CEP57: variants seen among roughly 807,000 people sequenced by gnomAD.
CEP57 encodes centrosomal protein of 57 kDa.
CEP57 carries 40 observed loss-of-function variants against 68.0 expected under a neutral mutation model. The ratio of observed to expected loss-of-function variants is 0.59; its 90% confidence interval spans 0.46 to 0.77. CEP57 has a LOEUF of 0.77. Ranked by LOEUF, CEP57 falls within the 30% of genes least tolerant of loss-of-function variation. The pLI, the probability that CEP57 is intolerant of heterozygous loss-of-function variation, is 0.00. For missense variants in CEP57, 606 were observed against 580.7 expected (o/e 1.04, Z -0.45); for synonymous variants, 219 against 198.7 (o/e 1.10, Z -0.86).
rs1336581104 is a variant in CEP57, at chr11:95,817,832, A to G, written c.550A>G (p.Ser184Gly). The change falls in exon 5 of 11, where the codon AGC (serine) becomes GGC (glycine). Residue 184 changes from serine to glycine, a missense_variant. By Grantham distance (56) the Ser-to-Gly change is moderately conservative (BLOSUM62 0). Coordinates refer to ENST00000325542, the MANE Select transcript of CEP57 (RefSeq NM_014679.5). Reference protein sequence around the residue: ...ERQHDQTHVQSQLEKLDLLEQ... With the variant: ...ERQHDQTHVQGQLEKLDLLEQ... ...ACAACATGATCAAACACATGTTCAG[A>G]GCCAACTTGAAAAATTGGATCTTCT... 6 of 1,613,886 alleles carry G rather than the reference A, an allele frequency of 3.7e-6. No homozygotes were observed. Among genetic ancestry groups the G allele is most frequent in the Middle Eastern group, 1.6e-4 (1 of 6,080 alleles).
chr11:95,803,480 T>A (rs549669157), intron 2 of CEP57, among the ~76,000 whole-genome samples: 5 of 151,762 alleles, frequency 3.3e-5, no homozygotes, highest in Admixed American at 2.6e-4. Flanking sequence ...AACTAAAAAG[T>A]AGGAAAAGTC....
At chr11:95,810,125 A>AC (rs1172032869) in intron 2 of CEP57, among the ~76,000 whole-genome samples, 2 of 152,232 alleles carry the variant, frequency 1.3e-5, no homozygotes, top group Admixed American at 1.3e-4. Flanking sequence ...GTAGATGCAG[A>AC]AAAGGCCTTC....
chr11:95,800,214 A>T (rs1409213383), intron 2 of CEP57, among the ~76,000 whole-genome samples: 2 of 152,124 alleles, frequency 1.3e-5, no homozygotes, highest in African/African-American at 4.8e-5. Context: ...TCTGCTTCCA[A>T]GCTCATTAAG....
At chr11:95,811,915 A>G (rs542099728) in intron 2 of CEP57, among the ~76,000 whole-genome samples, 2 of 150,390 alleles carry the variant, frequency 1.3e-5, no homozygotes, top group Non-Finnish European at 2.9e-5. Context: ...AATTCTCACT[A>G]TTTAATAATG....
chr11:95,809,716 C>T (rs1444060864), intron 2 of CEP57, among the ~76,000 whole-genome samples: 2 of 152,062 alleles, frequency 1.3e-5, no homozygotes. Flanking sequence ...TAATAGCCTG[C>T]CAACCAAAAA....
intron 2 of CEP57, among the ~76,000 whole-genome samples, chr11:95,811,561 C>T (rs951368044): frequency 8.0e-5 from 12 of 150,078 alleles, no homozygotes; most frequent in Non-Finnish European, 1.5e-5. Flanking sequence ...CACATGTACC[C>T]TAGAGCTTAA....
intron 2 of CEP57, among the ~76,000 whole-genome samples, chr11:95,805,296 T>C (rs1391638323): frequency 6.6e-6 from 1 of 152,230 alleles, no homozygotes; most frequent in Non-Finnish European, 1.5e-5. Flanking sequence ...TATAAAAGAA[T>C]TGTTCCCTTT....
intron 8 of CEP57, among the ~76,000 whole-genome samples, chr11:95,824,027 G>A (rs1353114239): frequency 6.6e-6 from 1 of 150,470 alleles, no homozygotes; most frequent in Non-Finnish European, 1.5e-5. Context: ...TGCAGCTGCG[G>A]TTGTCCACCA....
In CEP57 at chr11:95,813,672, A is replaced by G. The variant is rs927219440; in HGVS notation, c.504+83A>G. ...AATAAAGACTTTTTTTCTTTCGGTG[A>G]GGATTAATGGTGCTGTTACAGCCCA... On this transcript the variant is annotated intron_variant, in intron 4 of 10. Transcript: ENST00000325542. The G allele has an allele frequency of 5.2e-6, 8 of 1,537,856 alleles. No homozygotes were observed. The African/African-American group carries it at 9.5e-5, about 18-fold the overall frequency.
chr11:95,796,724 G>A (rs1356062907), intron 1 of CEP57, among the ~76,000 whole-genome samples: 2 of 152,016 alleles, frequency 1.3e-5, no homozygotes, highest in African/African-American at 4.8e-5. Flanking sequence ...TACATTAAGG[G>A]GCTCCGTTTC....
chr11:95,807,807 C>T (rs576723170), intron 2 of CEP57, among the ~76,000 whole-genome samples: 14 of 152,260 alleles, frequency 9.2e-5, no homozygotes, highest in Admixed American at 8.5e-4. Flanking sequence ...AGGATATTAT[C>T]CAGGACAACT....
chr11:95,804,741 T>C (rs1331447189), intron 2 of CEP57, among the ~76,000 whole-genome samples: 3 of 152,222 alleles, frequency 2.0e-5, no homozygotes, highest in Non-Finnish European at 4.4e-5. Flanking sequence ...ATTTAAAGTG[T>C]GCTCATATAT....
chr11:95,790,816 G>T, intron 1 of CEP57, 73 bp downstream of exon 1: 1 of 1,556,226 alleles, frequency 6.4e-7, no homozygotes, highest in South Asian at 1.1e-5. Flanking sequence ...ACGTTTCAGG[G>T]CGCTGTCAGT....
intron 4 of CEP57, among the ~76,000 whole-genome samples, chr11:95,814,411 A>G (rs757973935): frequency 7.5e-6 from 1 of 133,580 alleles, no homozygotes; most frequent in Non-Finnish European, 1.5e-5. Flanking sequence ...CCCAGGCTGG[A>G]GAGCAACGGC....
At chr11:95,823,257 G>C (rs1481096736) in intron 8 of CEP57, 2 of 152,192 alleles carry the variant, frequency 1.3e-5, no homozygotes, top group Non-Finnish European at 2.9e-5. Context: ...TAGTAAATTC[G>C]CAGTGAAATC....
rs1004665667 is a variant in CEP57, at chr11:95,818,134, G to A, written c.621+231G>A. 31 of 417,688 alleles carry A rather than the reference G, an allele frequency of 7.4e-5. 1 individual carries two copies. Among genetic ancestry groups the A allele is most frequent in the East Asian group, 1.6e-4 (3 of 18,858 alleles). 25.9% of individuals were successfully genotyped at this position (417,688 alleles called of 1,614,324 possible). ...GTTAAAAAATTAAATGTTTTTGGCC[G>A]GGCGTGGTGGCTCACGCCTGTAATC... On this transcript the variant is annotated intron_variant, in intron 5 of 10. Coordinates refer to ENST00000325542, the MANE Select transcript of CEP57 (RefSeq NM_014679.5).
At position 95,832,450 on chromosome 11, in the gene CEP57, T is replaced by A. The variant is rs567194658; in HGVS notation, c.*1194T>A. The A allele has an allele frequency of 6.6e-6, 1 of 152,230 alleles. No homozygotes were observed. Among genetic ancestry groups the A allele is most frequent in the Admixed American group, 6.5e-5 (1 of 15,278 alleles). 9.4% of individuals were successfully genotyped at this position (152,230 alleles called of 1,614,324 possible). On this transcript the variant is annotated 3_prime_UTR_variant, in exon 11 of 11. Transcript: ENST00000325542. ...GGCTTTAATTTAGGATCCTTAAGAT[T>A]TTGGGGTATTATTTGTGACTCTCCT...
intron 5 of CEP57, among the ~76,000 whole-genome samples, 177 bp from the exon 6 acceptor site, chr11:95,818,650 T>C (rs1862402170): frequency 6.6e-6 from 1 of 152,132 alleles, no homozygotes; most frequent in Non-Finnish European, 1.5e-5. Context: ...GATAAATAAT[T>C]GAACACAAAA....
In CEP57 at chr11:95,790,542, T is replaced by C. The variant is rs1860972074; in HGVS notation, c.-157T>C. The C allele has an allele frequency of 3.8e-6, 3 of 798,642 alleles. No homozygotes were observed. The highest frequency in any genetic ancestry group is 4.1e-6 in the Non-Finnish European group (2 of 484,944). The allele number at this position is 798,642 out of a possible 1,614,324, so 49.5% of individuals were successfully genotyped here. On this transcript the variant is annotated 5_prime_UTR_variant, in exon 1 of 11. Coordinates refer to ENST00000325542, the MANE Select transcript of CEP57 (RefSeq NM_014679.5). The stretch of plus-strand genomic sequence containing the variant: ...GCGTAGGCGGCCCTGAGGGGGTGTG[T>C]TGCAGGGGTTTCCAAGCCCAGCACC...
Sources: gnomAD v4.1 joint callset for allele counts (sites outside exome capture counted in the v4.1 genomes callset) on GRCh38, gnomAD v4.1.1 for gene constraint, MANE v1.5 for transcripts, NCBI Gene and HGNC (gene_info 2026-07-23, HGNC 2026-07-21) for gene names.